Variants in ITGB6 observed in about 807,000 individuals in gnomAD.
The protein encoded by ITGB6 is integrin beta-6.
ITGB6 carries 80 observed loss-of-function variants against 84.5 expected under a neutral mutation model. The ratio of observed to expected loss-of-function variants is 0.95; its 90% confidence interval spans 0.79 to 1.14. ITGB6 has a LOEUF of 1.14. Ranked by LOEUF, ITGB6 falls within the 50% of genes most tolerant of loss-of-function variation. ITGB6 has a pLI of 0.00. For missense variants in ITGB6, 1,006 were observed against 968.0 expected (o/e 1.04, Z -0.52); for synonymous variants, 383 against 354.9 (o/e 1.08, Z -0.89).
intron 10 of ITGB6, among the ~76,000 whole-genome samples, chr2:160,127,629 T>G (rs1040653977): frequency 1.3e-5 from 2 of 152,202 alleles, no homozygotes; most frequent in Non-Finnish European, 2.9e-5. Flanking sequence ...CCATGGTCAC[T>G]CATATTTGGC....
intron 13 of ITGB6, among the ~76,000 whole-genome samples, chr2:160,108,873 C>A (rs1697011565): frequency 6.6e-6 from 1 of 152,130 alleles, no homozygotes; most frequent in Non-Finnish European, 1.5e-5. Context: ...ATAGTCCTTG[C>A]AATATGCCTA....
intron 13 of ITGB6, among the ~76,000 whole-genome samples, chr2:160,111,362 C>CT (rs1682505044): frequency 6.6e-6 from 1 of 152,058 alleles, no homozygotes; most frequent in East Asian, 1.9e-4. Context: ...AGCAGGCAGG[C>CT]TTTTTTGGTA....
intron 12 of ITGB6, among the ~76,000 whole-genome samples, chr2:160,120,811 A>G (rs1252443819): frequency 1.3e-5 from 2 of 148,428 alleles, no homozygotes; most frequent in Non-Finnish European, 3.0e-5. Context: ...TATCGCAAGG[A>G]CAGAAAACCA....
chr2:160,164,935 T>C (rs1339442307), intron 7 of ITGB6, among the ~76,000 whole-genome samples: 2 of 152,160 alleles, frequency 1.3e-5, no homozygotes, highest in African/African-American at 4.8e-5. Context: ...GGACATAAGG[T>C]TTATTTCCAA....
chr2:160,111,351 G>A (rs1682504345), intron 13 of ITGB6, among the ~76,000 whole-genome samples: 1 of 152,158 alleles, frequency 6.6e-6, no homozygotes, highest in Non-Finnish European at 1.5e-5. Context: ...GACAGATAAT[G>A]AGCAGGCAGG....
Position 160,129,746 on chromosome 2 carries a change from T to C in ITGB6, c.1661-3145A>G, listed in dbSNP as rs60854010. Among the ~76,000 whole-genome samples, 1,312 of 152,296 alleles carry C rather than the reference T, an allele frequency of 8.6e-3. 24 individuals are homozygous for C. Among genetic ancestry groups the C allele is most frequent in the African/African-American group, 0.031 (1,268 of 41,550 alleles). Reference sequence around the variant, plus strand: ...CTTTCTCTTGTAAACTTTGGTCTAGTAAGTGGCTTACTTTTCTATCTTGAT... The same window carrying C: ...CTTTCTCTTGTAAACTTTGGTCTAGCAAGTGGCTTACTTTTCTATCTTGAT... On this transcript the variant is annotated intron_variant, in intron 10 of 14. Transcript: ENST00000283249.
chr2:160,198,953 A>T (rs1053683656), intron 2 of ITGB6, among the ~76,000 whole-genome samples: 3 of 152,130 alleles, frequency 2.0e-5, no homozygotes, highest in African/African-American at 7.2e-5. Context: ...CCAAGTTAAA[A>T]TTTTTTTCCG....
intron 7 of ITGB6, among the ~76,000 whole-genome samples, chr2:160,151,990 G>A (rs1003280022): frequency 6.6e-6 from 1 of 152,100 alleles, no homozygotes; most frequent in African/African-American, 2.4e-5. Flanking sequence ...AGGATCAGAC[G>A]AATTCACAGC....
At chr2:160,189,293 G>A (rs1290472190) in intron 4 of ITGB6, among the ~76,000 whole-genome samples, 1 of 152,144 alleles carries the variant, frequency 6.6e-6, no homozygotes, top group African/African-American at 2.4e-5. Context: ...ATAGGCATGG[G>A]CAAGGACTTC....
At chr2:160,188,028 G>T (rs1318329314) in intron 4 of ITGB6, among the ~76,000 whole-genome samples, 1 of 152,080 alleles carries the variant, frequency 6.6e-6, no homozygotes, top group Admixed American at 6.6e-5. Context: ...GAGTTCATTT[G>T]GTTCTCACAA....
intron 4 of ITGB6, among the ~76,000 whole-genome samples, chr2:160,184,826 T>C (rs1256225441): frequency 6.6e-6 from 1 of 152,168 alleles, no homozygotes; most frequent in Non-Finnish European, 1.5e-5. Flanking sequence ...TGGTTCAACA[T>C]ACATAAATCA....
At chr2:160,131,361 T>C (rs1683461603) in intron 10 of ITGB6, among the ~76,000 whole-genome samples, 1 of 152,134 alleles carries the variant, frequency 6.6e-6, no homozygotes, top group South Asian at 2.1e-4. Flanking sequence ...AAAGAAGCTG[T>C]ATGAAAAAGA....
chr2:160,159,957 T>C (rs1433464001), intron 7 of ITGB6, among the ~76,000 whole-genome samples: 1 of 152,228 alleles, frequency 6.6e-6, no homozygotes, highest in African/African-American at 2.4e-5. Context: ...TCTTTTTTTA[T>C]TCTCCTCTAT....
intron 8 of ITGB6, 79 bp from the exon 9 acceptor site, chr2:160,138,278 C>T: frequency 7.4e-7 from 1 of 1,343,240 alleles, no homozygotes; most frequent in South Asian, 1.6e-5. Flanking sequence ...GAATCATGTT[C>T]ATTGAACTAC....
intron 12 of ITGB6, among the ~76,000 whole-genome samples, chr2:160,116,721 ATT>A (rs1448623760): frequency 6.6e-6 from 1 of 152,234 alleles, no homozygotes; most frequent in African/African-American, 2.4e-5. Context: ...AGACTGGCAA[ATT>A]GGATGAAGAC....
intron 2 of ITGB6, among the ~76,000 whole-genome samples, chr2:160,198,235 G>T (rs947722764): frequency 6.6e-6 from 1 of 151,866 alleles, no homozygotes; most frequent in South Asian, 2.1e-4. Flanking sequence ...TTTTGTGGCC[G>T]CGTTGGTCAA....
At chr2:160,151,186 T>A (rs774423442) in intron 7 of ITGB6, among the ~76,000 whole-genome samples, 6 of 152,146 alleles carry the variant, frequency 3.9e-5, no homozygotes, top group Non-Finnish European at 7.4e-5. Context: ...ATTGACCACA[T>A]AATTGGAAGT....
At chr2:160,124,624 T>C (rs1683163578) in intron 11 of ITGB6, among the ~76,000 whole-genome samples, 2 of 152,236 alleles carry the variant, frequency 1.3e-5, no homozygotes. Context: ...ATTGTGCTTG[T>C]TGTAATTCAA....
intron 10 of ITGB6, among the ~76,000 whole-genome samples, chr2:160,134,143 T>C (rs1683600618): frequency 6.6e-6 from 1 of 151,930 alleles, no homozygotes; most frequent in Non-Finnish European, 1.5e-5. Context: ...ATCAACAAAA[T>C]TGATAGACCA....
Sources: allele counts gnomAD v4.1 joint callset (sites outside exome capture counted in the v4.1 genomes callset), GRCh38; gene constraint gnomAD v4.1.1; transcripts MANE v1.5; gene names NCBI Gene and HGNC (gene_info 2026-07-23, HGNC 2026-07-21).